Variants in HACE1 observed in about 807,000 individuals in gnomAD.
HACE1 encodes the protein E3 ubiquitin-protein ligase HACE1.
A neutral mutation model predicts 118.4 loss-of-function variants in HACE1; 73 were observed. That is an observed-to-expected ratio of 0.62 (90% CI 0.51 to 0.75). The LOEUF (loss-of-function observed/expected upper bound fraction) is 0.75, where lower values mean the gene tolerates loss of function less well. HACE1 is among the 30% of genes least tolerant of loss of function. The pLI is 0.00. For missense variants in HACE1, 749 were observed against 1,102.2 expected, an observed-to-expected ratio of 0.68 and a Z score of 4.54; for synonymous variants, 368 against 374.8, an observed-to-expected ratio of 0.98 and a Z score of 0.21.
At chr6:104,803,958 G>A (rs1008757908) in intron 7 of HACE1, among the ~76,000 whole-genome samples, 7 of 152,184 alleles carry the variant, frequency 4.6e-5, no homozygotes, top group Admixed American at 1.3e-4. Context: ...TGTATATTTA[G>A]AAAACCACAT....
At position 104,796,931 on chromosome 6, in the gene HACE1, G is replaced by A. The variant is rs1342098819; in HGVS notation, c.712C>T (p.Gln238Ter). The A allele has an allele frequency of 6.6e-7, 1 of 1,515,790 alleles. No individual in the cohort carries two copies. The highest frequency in any genetic ancestry group is 9.2e-7 in the Non-Finnish European group (1 of 1,090,496). 93.9% of individuals were successfully genotyped at this position (1,515,790 alleles called of 1,614,324 possible). The part of the protein sequence containing the change: ...NGVTPLDLCV[Q>*]GGYGETCEVL... ...CAGAATATAAATGAAAAACACACCT[G>A]TACACATAAATCCAGAGGAGTTACT... The change falls in exon 8 of 24, where the codon CAG becomes TAG. Residue 238 changes from glutamine (Q) to a stop codon, truncating the protein, a stop_gained and splice_region_variant. Transcript: ENST00000262903. LOFTEE classifies it high-confidence loss of function.
At chr6:104,780,895 G>T (rs986119810) in intron 14 of HACE1, among the ~76,000 whole-genome samples, 1 of 152,026 alleles carries the variant, frequency 6.6e-6, no homozygotes, top group Non-Finnish European at 1.5e-5. Context: ...AAAGACTGCA[G>T]GTCTTTAAAA....
rs111711027 is a variant in HACE1 at position 104,759,568 on chromosome 6, T to C, written c.2212-9096A>G. 8.5e-3 allele frequency among the ~76,000 whole-genome samples: 1,290 copies of C among 152,194 alleles called. 22 individuals are homozygous for C. Among genetic ancestry groups the C allele is most frequent in the African/African-American group, 0.029 (1,224 of 41,542 alleles). ...TAAAGCAATGTGTAGAAGGAAATTT[T>C]TAGCACTAAACGCCCACAAGAGAAA... On this transcript the variant is annotated intron_variant, in intron 19 of 23. Transcript: ENST00000262903.
intron 11 of HACE1, among the ~76,000 whole-genome samples, chr6:104,789,672 A>G (rs1030283680): frequency 6.6e-6 from 1 of 152,158 alleles, no homozygotes; most frequent in Non-Finnish European, 1.5e-5. Context: ...AACAGGTAGC[A>G]GATCGAAATT....
intron 22 of HACE1, among the ~76,000 whole-genome samples, chr6:104,734,885 A>C (rs1204024436): frequency 6.6e-6 from 1 of 152,214 alleles, no homozygotes; most frequent in Non-Finnish European, 1.5e-5. Flanking sequence ...ATACTGACCA[A>C]ATCATGGGGA....
chr6:104,791,986 T>C (rs1783073625), intron 10 of HACE1, among the ~76,000 whole-genome samples: 1 of 152,202 alleles, frequency 6.6e-6, no homozygotes, highest in Admixed American at 6.5e-5. Flanking sequence ...AGAAGTATAT[T>C]TGTAAATTAA....
intron 20 of HACE1, among the ~76,000 whole-genome samples, chr6:104,745,455 C>CTTTTTTTTTTTTTTTT (rs370049285): frequency 2.3e-5 from 3 of 131,980 alleles, no homozygotes; most frequent in Non-Finnish European, 3.1e-5. Context: ...TCAGGATTTC[C>CTTTTTTTTTTTTTTTT]TTTTTTTTTG....
intron 19 of HACE1, among the ~76,000 whole-genome samples, chr6:104,756,411 C>CAAA (rs149270056): frequency 5.7e-4 from 59 of 103,406 alleles, no homozygotes; most frequent in South Asian, 3.7e-3. Context: ...GATTCCATCT[C>CAAA]AAAAAAAAAA....
chr6:104,770,401 T>C (rs935882914), intron 19 of HACE1, among the ~76,000 whole-genome samples: 1 of 152,118 alleles, frequency 6.6e-6, no homozygotes, highest in Non-Finnish European at 1.5e-5. Context: ...TTTTAAATAA[T>C]ACATATAGAG....
chr6:104,789,737 T>C (rs1483146983), intron 11 of HACE1, among the ~76,000 whole-genome samples: 2 of 152,158 alleles, frequency 1.3e-5, no homozygotes, highest in Non-Finnish European at 2.9e-5. Context: ...TTGAATAATA[T>C]TGACCACATC....
intron 19 of HACE1, among the ~76,000 whole-genome samples, chr6:104,758,582 C>T (rs6910213): frequency 2.5e-3 from 386 of 152,208 alleles, no homozygotes; most frequent in African/African-American, 8.9e-3. Flanking sequence ...CCGGTACCAG[C>T]CACTGCAAAA....
At chr6:104,783,378 A>G (rs1469692200) in intron 14 of HACE1, among the ~76,000 whole-genome samples, 1 of 152,190 alleles carries the variant, frequency 6.6e-6, no homozygotes, top group African/African-American at 2.4e-5. Flanking sequence ...ATCCTCTTAG[A>G]GAAGGGAAGT....
At chr6:104,736,326 C>G (rs1376191734) in intron 22 of HACE1, among the ~76,000 whole-genome samples, 2 of 151,626 alleles carry the variant, frequency 1.3e-5, no homozygotes, top group Admixed American at 1.3e-4. Context: ...ACACTGTCAC[C>G]CCAGCTAGAG....
chr6:104,734,315 A>AT (rs1018983395), intron 22 of HACE1, among the ~76,000 whole-genome samples: 22 of 152,166 alleles, frequency 1.4e-4, no homozygotes, highest in African/African-American at 5.1e-4. Context: ...AACACGTTTG[A>AT]TTTTTCAGTA....
At position 104,851,081 on chromosome 6, in the gene HACE1, CTGTT is replaced by C. The variant is rs779590455; in HGVS notation, c.132-89_132-86del. On this transcript the variant is annotated intron_variant, in intron 2 of 23. Coordinates refer to ENST00000262903, the MANE Select transcript of HACE1 (RefSeq NM_020771.4). ...TCAAGTTAACAACTCTTTAGCTGCT[CTGTT>C]TGTTTGTTTGTTTGTTGAGACAAGA... The C allele has an allele frequency of 2.7e-4, 216 of 808,312 alleles. 2 individuals are homozygous for C. Among genetic ancestry groups the C allele is most frequent in the Non-Finnish European group, 3.2e-4 (148 of 456,352 alleles). 50.1% of individuals were successfully genotyped at this position (808,312 alleles called of 1,614,324 possible).
At chr6:104,826,396 G>T (rs886888904) in intron 6 of HACE1, among the ~76,000 whole-genome samples, 2 of 152,190 alleles carry the variant, frequency 1.3e-5, no homozygotes, top group Non-Finnish European at 2.9e-5. Flanking sequence ...ACTAGATGGT[G>T]ATCAGTGCTA....
chr6:104,851,073 T>G (rs1247060807), intron 2 of HACE1, 77 bp from the exon 3 acceptor site: 1 of 829,012 alleles, frequency 1.2e-6, no homozygotes, highest in African/African-American at 1.7e-5. Context: ...AACAACTCTT[T>G]AGCTGCTCTG....
At position 104,767,323 on chromosome 6, in the gene HACE1, A is replaced by G. The variant is rs1215771458; in HGVS notation, c.2211+3870T>C. Among the ~76,000 whole-genome samples, 3 of 152,144 alleles carry G rather than the reference A, an allele frequency of 2.0e-5. No homozygotes were observed. The East Asian group carries it at 5.8e-4, about 29-fold the overall frequency. On this transcript the variant is annotated intron_variant, in intron 19 of 23. Coordinates refer to ENST00000262903, the MANE Select transcript of HACE1 (RefSeq NM_020771.4). ...AGTCCTTCCTCTTTCTCATCTTCCCAATTACCAAGTTCTATAAATTCTATT... is the reference window on the plus strand; with the variant it reads ...AGTCCTTCCTCTTTCTCATCTTCCCGATTACCAAGTTCTATAAATTCTATT...
intron 5 of HACE1, among the ~76,000 whole-genome samples, chr6:104,834,393 AT>A (rs1774320597): frequency 6.6e-6 from 1 of 152,238 alleles, no homozygotes; most frequent in Admixed American, 6.5e-5. Context: ...TCTTACATAA[AT>A]AAAGGAGGGT....
Sources: allele counts gnomAD v4.1 joint callset (sites outside exome capture counted in the v4.1 genomes callset), GRCh38; gene constraint gnomAD v4.1.1; transcripts MANE v1.5; gene names NCBI Gene and HGNC (gene_info 2026-07-23, HGNC 2026-07-21).